The following CHL1 variants were observed in gnomAD, a reference collection of about 807,000 sequenced individuals.
CHL1 encodes the protein neural cell adhesion molecule L1-like protein.
CHL1 carries 96 observed loss-of-function variants against 141.9 expected under a neutral mutation model. The observed-to-expected ratio is 0.68, with a 90% CI of 0.57 to 0.80. CHL1 has a LOEUF of 0.80. Among genes scored for constraint, CHL1 ranks in the 30% least tolerant of loss-of-function variants. The probability of loss-of-function intolerance (pLI) is 0.00; values close to 1 mark genes in which losing one functional copy is unlikely to be tolerated. For synonymous variants in CHL1, 613 were observed against 502.2 expected, an observed-to-expected ratio of 1.22 and a Z score of -2.95; for missense variants, 1,820 against 1,457.2, an observed-to-expected ratio of 1.25 and a Z score of -4.05.
At chr3:365,603 T>C (rs1332217131) in intron 14 of CHL1, among the ~76,000 whole-genome samples, 1 of 152,246 alleles carries the variant, frequency 6.6e-6, no homozygotes, top group African/African-American at 2.4e-5. Context: ...CCTTTTCCTT[T>C]ACAGTGCTTT....
At position 406,348 on chromosome 3, in the gene CHL1, A is replaced by T. The variant is rs1455898380; in HGVS notation, c.*637A>T. 2 of 151,100 alleles carry T rather than the reference A, an allele frequency of 1.3e-5. No homozygotes were observed. The highest frequency in any genetic ancestry group is 6.6e-5 in the Admixed American group (1 of 15,146). The allele number at this position is 151,100 out of a possible 1,614,324, so 9.4% of individuals were successfully genotyped here. A position where few individuals can be genotyped will look rare whatever the true frequency, so the allele number is the denominator to read the frequency against. ...TATACGTTTTTCAGTTTCAACATGA[A>T]TTTTTTTATTTCTGTCAGTTATGAC... On this transcript the variant is annotated 3_prime_UTR_variant, in exon 28 of 28. Transcript: ENST00000256509.
chr3:376,361 C>T (rs1285099824), intron 15 of CHL1: 2 of 512,480 alleles, frequency 3.9e-6, no homozygotes, highest in South Asian at 2.9e-5. Flanking sequence ...GCCCTTGCCC[C>T]ATCTCCAAAT....
chr3:286,240 C>T (rs162587), intron 2 of CHL1, among the ~76,000 whole-genome samples: 11,653 of 152,096 alleles, frequency 0.077, 1,535 homozygotes, highest in African/African-American at 0.27. Flanking sequence ...CTGATCCATG[C>T]CCCAAAAGTG....
intron 22 of CHL1, 51 bp from the exon 23 acceptor site, chr3:391,624 T>C (rs1473218528): frequency 7.2e-7 from 1 of 1,395,440 alleles, no homozygotes; most frequent in Non-Finnish European, 9.9e-7. Flanking sequence ...ATAAGGCTTT[T>C]TTGAATTTTT....
Position 365,971 on chromosome 3 carries a change from C to T in CHL1, c.1607C>T (p.Ser536Phe), listed in dbSNP as rs761803686. 2.0e-5 allele frequency: 33 copies of T among 1,613,004 alleles called. No individual in the cohort carries two copies. Among genetic ancestry groups the T allele is most frequent in the Non-Finnish European group, 2.6e-5 (31 of 1,179,400 alleles). ...ACAGATGCTACAAAACTTAGAGTTT[C>T]TCCTAAGAATCCTCGTATCCCCAAA... ...DIRNATKLRV[S>F]PKNPRIPKLH... Residue 536 changes from serine (S) to phenylalanine (F), a missense_variant, in exon 15 of 28, where the codon TCT becomes TTT. By Grantham distance (155) the Ser-to-Phe change is radical. Coordinates refer to ENST00000256509, the MANE Select transcript of CHL1 (RefSeq NM_006614.4).
chr3:263,969 C>T (rs1694953170), intron 2 of CHL1, among the ~76,000 whole-genome samples: 2 of 152,190 alleles, frequency 1.3e-5, no homozygotes, highest in Non-Finnish European at 2.9e-5. Context: ...TTCCAGTGAT[C>T]TGCTTATCTA....
intron 2 of CHL1, among the ~76,000 whole-genome samples, chr3:304,835 G>A (rs2124931351): frequency 6.6e-6 from 1 of 151,836 alleles, no homozygotes; most frequent in South Asian, 2.1e-4. Context: ...GTGATGTTAG[G>A]GTGTCAATTT....
intron 1 of CHL1, among the ~76,000 whole-genome samples, chr3:242,584 G>A (rs754130722): frequency 2.6e-4 from 38 of 147,300 alleles, no homozygotes; most frequent in East Asian, 6.0e-4. Context: ...TAACAGAGTG[G>A]GACTCCATCT....
rs1709492068 is a variant in CHL1, at chr3:405,719, A to G, written c.*8A>G. On this transcript the variant is annotated 3_prime_UTR_variant, in exon 28 of 28. Coordinates refer to ENST00000256509, the MANE Select transcript of CHL1 (RefSeq NM_006614.4). ...TTTCCCCTTCGGGCATAAACACAAC[A>G]TATGTAAGCAACGCTACTGGTTCAC... 6.2e-7 allele frequency: 1 copy of G among 1,604,012 alleles called. No individual in the cohort carries two copies. Among genetic ancestry groups the G allele is most frequent in the Non-Finnish European group, 8.5e-7 (1 of 1,171,198 alleles).
chr3:318,467 T>C (rs942931314), intron 2 of CHL1, among the ~76,000 whole-genome samples: 9 of 151,794 alleles, frequency 5.9e-5, no homozygotes, highest in African/African-American at 1.9e-4. Context: ...TATTGTATTA[T>C]TACCTGCAAG....
intron 2 of CHL1, among the ~76,000 whole-genome samples, chr3:255,223 G>A (rs1244213403): frequency 1.3e-5 from 2 of 152,190 alleles, no homozygotes; most frequent in Non-Finnish European, 2.9e-5. Flanking sequence ...TTGAGTTAGA[G>A]TTGTTATGCA....
intron 3 of CHL1, among the ~76,000 whole-genome samples, chr3:321,357 C>T (rs536695689): frequency 9.2e-5 from 14 of 152,158 alleles, no homozygotes; most frequent in Non-Finnish European, 2.1e-4. Flanking sequence ...TTTCGGCCTA[C>T]ACAATGTATT....
intron 23 of CHL1, among the ~76,000 whole-genome samples, chr3:394,085 C>G (rs1708471577): frequency 6.6e-6 from 1 of 152,126 alleles, no homozygotes; most frequent in Non-Finnish European, 1.5e-5. Context: ...GTTCCAAATT[C>G]TTTGAAAGAA....
At chr3:249,678 G>A (rs1342902706) in intron 2 of CHL1, among the ~76,000 whole-genome samples, 1 of 152,098 alleles carries the variant, frequency 6.6e-6, no homozygotes, top group East Asian at 1.9e-4. Flanking sequence ...CTTCACAGTT[G>A]CAAACAGCAG....
At chr3:285,513 T>G (rs1272915248) in intron 2 of CHL1, among the ~76,000 whole-genome samples, 4 of 152,162 alleles carry the variant, frequency 2.6e-5, no homozygotes, top group African/African-American at 4.8e-5. Context: ...TAATTTTGCT[T>G]TCTAGCCTGG....
chr3:373,112 A>G (rs1705857591), intron 15 of CHL1, among the ~76,000 whole-genome samples: 1 of 152,150 alleles, frequency 6.6e-6, no homozygotes, highest in African/African-American at 2.4e-5. Context: ...CCCATCTAAT[A>G]AAGCACTTTG....
In CHL1 at chr3:280,565, T is replaced by C. The variant is rs145157267; in HGVS notation, c.-95+35873T>C. ...CTGAATTCAGAACTGCTTCTGGTAA[T>C]TTTACTGTATCAAGCAGGCCCTGAG... On this transcript the variant is annotated intron_variant, in intron 2 of 27. Transcript: ENST00000256509. Among the ~76,000 whole-genome samples the C allele has an allele frequency of 7.1e-4, 108 of 152,278 alleles. 2 individuals are homozygous for C. In the East Asian group the frequency reaches 0.019, roughly 27 times the overall value.
chr3:393,669 A>G lies in CHL1; in HGVS notation c.2915-1024A>G, dbSNP rs374950345. Among the ~76,000 whole-genome samples, 35 of 152,134 alleles carry G rather than the reference A, an allele frequency of 2.3e-4. No individual in the cohort carries two copies. In the East Asian group the frequency reaches 5.8e-3, roughly 25 times the overall value. On this transcript the variant is annotated intron_variant, in intron 23 of 27. Coordinates refer to ENST00000256509, the MANE Select transcript of CHL1 (RefSeq NM_006614.4). ...GCTTTTAGATATTTTAAATTGTTGC[A>G]ATTTATATGTATGAGAGCTCTATGT...
intron 2 of CHL1, among the ~76,000 whole-genome samples, chr3:315,286 C>T (rs1402092621): frequency 6.6e-6 from 1 of 152,152 alleles, no homozygotes; most frequent in Non-Finnish European, 1.5e-5. Flanking sequence ...TGCCCACAGC[C>T]ATCTAGCAAT....
Sources: gnomAD v4.1 joint callset for allele counts (sites outside exome capture counted in the v4.1 genomes callset) on GRCh38, gnomAD v4.1.1 for gene constraint, MANE v1.5 for transcripts, NCBI Gene and HGNC (gene_info 2026-07-23, HGNC 2026-07-21) for gene names.